The following DPYD variants were observed in gnomAD, a reference collection of about 807,000 sequenced individuals.
DPYD encodes the protein dihydropyrimidine dehydrogenase.
DPYD carries 109 observed loss-of-function variants against 116.2 expected under a neutral mutation model. The ratio of observed to expected loss-of-function variants is 0.94; its 90% confidence interval spans 0.80 to 1.10. The LOEUF (loss-of-function observed/expected upper bound fraction) is 1.10, where lower values mean the gene tolerates loss of function less well. Ranked by LOEUF, DPYD falls within the 50% of genes least tolerant of loss-of-function variation. The pLI is 0.00. For synonymous variants in DPYD, 440 were observed against 432.0 expected, an observed-to-expected ratio of 1.02 and a Z score of -0.23; for missense variants, 1,302 against 1,254.5, an observed-to-expected ratio of 1.04 and a Z score of -0.57.
At chr1:97,863,286 ATAAAG>A (rs1427795757) in intron 2 of DPYD, among the ~76,000 whole-genome samples, 1 of 151,984 alleles carries the variant, frequency 6.6e-6, no homozygotes, top group Non-Finnish European at 1.5e-5. Context: ...ATTTATATCT[ATAAAG>A]TAAAGGTCTG....
intron 13 of DPYD, among the ~76,000 whole-genome samples, chr1:97,469,396 G>GAAAAAAAAAAAAA (rs1557733908): frequency 1.2e-4 from 1 of 8,520 alleles, no homozygotes; most frequent in African/African-American, 5.9e-4. Flanking sequence ...AGCTAAAATT[G>GAAAAAAAAAAAAA]CAAAAAAAAA....
intron 20 of DPYD, among the ~76,000 whole-genome samples, chr1:97,168,507 G>T (rs1160803863): frequency 6.6e-6 from 1 of 152,118 alleles, no homozygotes; most frequent in Non-Finnish European, 1.5e-5. Context: ...AGTAAGAGTT[G>T]GGTGAAAATT....
At chr1:97,276,531 G>A (rs1295090347) in intron 18 of DPYD, among the ~76,000 whole-genome samples, 1 of 151,932 alleles carries the variant, frequency 6.6e-6, no homozygotes, top group African/African-American at 2.4e-5. Context: ...AGACATACAA[G>A]TGGGCAACAA....
chr1:97,458,905 T>A (rs947881802), intron 13 of DPYD, among the ~76,000 whole-genome samples: 5 of 152,016 alleles, frequency 3.3e-5, no homozygotes, highest in Admixed American at 6.6e-5. Context: ...TAAATTCCCA[T>A]AAATACATTT....
intron 2 of DPYD, among the ~76,000 whole-genome samples, chr1:97,839,240 A>C (rs992430541): frequency 9.2e-5 from 14 of 152,230 alleles, no homozygotes; most frequent in Non-Finnish European, 1.5e-4. Context: ...TAATTTTTTA[A>C]CTTCAAATCT....
intron 8 of DPYD, among the ~76,000 whole-genome samples, chr1:97,613,078 T>C (rs544693611): frequency 1.3e-5 from 2 of 152,164 alleles, no homozygotes; most frequent in East Asian, 3.9e-4. Flanking sequence ...ATGTCTTTTC[T>C]CTCTCTTTCC....
intron 4 of DPYD, among the ~76,000 whole-genome samples, 164 bp downstream of exon 4, chr1:97,740,228 G>A (rs1041703944): frequency 3.9e-5 from 6 of 152,046 alleles, no homozygotes; most frequent in South Asian, 2.1e-4. Context: ...TCACAACTTG[G>A]AAGTGCTTAA....
chr1:97,844,851 A>T (rs895045811), intron 2 of DPYD, among the ~76,000 whole-genome samples: 10 of 152,162 alleles, frequency 6.6e-5, no homozygotes, highest in African/African-American at 2.4e-4. Context: ...GCCTGCTCCC[A>T]CTACCTGGTC....
intron 8 of DPYD, among the ~76,000 whole-genome samples, chr1:97,647,563 T>C (rs1167302703): frequency 2.0e-5 from 3 of 152,002 alleles, no homozygotes; most frequent in African/African-American, 7.2e-5. Flanking sequence ...TGAAGGGAAA[T>C]ATATATACAA....
chr1:97,534,579 T>C (rs1333419025), intron 12 of DPYD, among the ~76,000 whole-genome samples: 1 of 152,148 alleles, frequency 6.6e-6, no homozygotes. Context: ...TTTTTATGGA[T>C]GTTATTCTTT....
chr1:97,123,770 A>AT (rs1213811488), intron 20 of DPYD, among the ~76,000 whole-genome samples: 32 of 152,002 alleles, frequency 2.1e-4, no homozygotes, highest in African/African-American at 7.7e-4. Flanking sequence ...TCTTTAACAG[A>AT]TTTTTTGTTG....
At chr1:97,431,577 T>C (rs1490098939) in intron 14 of DPYD, among the ~76,000 whole-genome samples, 2 of 152,158 alleles carry the variant, frequency 1.3e-5, no homozygotes, top group Non-Finnish European at 2.9e-5. Context: ...ATTTTTATGG[T>C]TATATAATAA....
At chr1:97,468,995 T>C (rs919178162) in intron 13 of DPYD, among the ~76,000 whole-genome samples, 1 of 152,198 alleles carries the variant, frequency 6.6e-6, no homozygotes, top group Non-Finnish European at 1.5e-5. Flanking sequence ...AAAACATGAT[T>C]GCACTTTTGA....
intron 18 of DPYD, among the ~76,000 whole-genome samples, chr1:97,238,510 A>G (rs1662106647): frequency 1.3e-5 from 2 of 152,184 alleles, no homozygotes; most frequent in Admixed American, 1.3e-4. Context: ...TAGTTTTAAA[A>G]TGACAGAAAT....
At chr1:97,586,039 A>G in intron 10 of DPYD, 1 of 214,166 alleles carries the variant, frequency 4.7e-6, no homozygotes, top group South Asian at 9.9e-5. Flanking sequence ...AGGTTGTGTG[A>G]GGACACTAAA....
chr1:97,389,467 T>C (rs1403319258), intron 14 of DPYD, among the ~76,000 whole-genome samples: 3 of 152,010 alleles, frequency 2.0e-5, no homozygotes, highest in Admixed American at 6.6e-5. Context: ...ATTTACAAAG[T>C]TGGAACACAG....
chr1:97,110,765 C>G (rs138738925), intron 20 of DPYD, among the ~76,000 whole-genome samples: 9 of 152,172 alleles, frequency 5.9e-5, no homozygotes, highest in South Asian at 2.1e-4. Context: ...CATAATGAAG[C>G]TAACAACAAT....
chr1:97,740,568 G>C, intron 3 of DPYD, 89 bp from the exon 4 acceptor site: 3 of 1,098,894 alleles, frequency 2.7e-6, no homozygotes, highest in Middle Eastern at 2.0e-4. Context: ...TCCGTGTCTA[G>C]TAAGTATAAA....
Position 97,486,913 on chromosome 1 carries a change from A to G in DPYD, c.1740+28813T>C, listed in dbSNP as rs886712922. 2.6e-5 allele frequency among the ~76,000 whole-genome samples: 4 copies of G among 151,990 alleles called. No homozygotes were observed. In the East Asian group the frequency reaches 7.7e-4, roughly 29 times the overall value. On this transcript the variant is annotated intron_variant, in intron 13 of 22. Coordinates refer to ENST00000370192, the MANE Select transcript of DPYD (RefSeq NM_000110.4). ...TGTTTATTTTTCAAAGTCACTAAAT[A>G]GCATTATTAAAATAGCAAGCATTAA...
Sources: gnomAD v4.1 joint callset for allele counts (sites outside exome capture counted in the v4.1 genomes callset) on GRCh38, gnomAD v4.1.1 for gene constraint, MANE v1.5 for transcripts, NCBI Gene and HGNC (gene_info 2026-07-23, HGNC 2026-07-21) for gene names.